The following CNOT2 variants were observed in gnomAD, a reference collection of about 807,000 sequenced individuals.
CNOT2 encodes the protein CC chemokine receptor 4-negative regulator of transcription 2.
A neutral mutation model predicts 72.1 loss-of-function variants in CNOT2; 7 were observed. The ratio of observed to expected loss-of-function variants is 0.10; its 90% CI spans 0.06 to 0.18. The LOEUF (loss-of-function observed/expected upper bound fraction) is 0.18. Among genes scored for constraint, CNOT2 ranks in the 10% least tolerant of loss-of-function variants. The pLI is 1.00. For synonymous variants in CNOT2, 196 were observed against 225.6 expected, an observed-to-expected ratio of 0.87 and a Z score of 1.17; for missense variants, 345 against 660.3, an observed-to-expected ratio of 0.52 and a Z score of 5.23.
intron 4 of CNOT2, among the ~76,000 whole-genome samples, chr12:70,329,021 C>T (rs548826372): frequency 5.6e-4 from 85 of 151,946 alleles, no homozygotes; most frequent in African/African-American, 1.9e-3. Flanking sequence ...TTTCTGTATA[C>T]ATTAGTTGTG....
At chr12:70,271,203 A>G (rs80356292) in intron 1 of CNOT2, among the ~76,000 whole-genome samples, 6,860 of 152,176 alleles carry the variant, frequency 0.045, 659 homozygotes, top group East Asian at 0.44. Context: ...CTATTCTGAT[A>G]TAACAACACC....
intron 1 of CNOT2, among the ~76,000 whole-genome samples, chr12:70,273,786 T>C (rs1170863238): frequency 2.0e-5 from 3 of 152,118 alleles, no homozygotes; most frequent in Admixed American, 6.5e-5. Context: ...GACCTGACTC[T>C]CTACTTATAG....
intron 2 of CNOT2, among the ~76,000 whole-genome samples, chr12:70,284,453 C>T (rs926654464): frequency 2.0e-5 from 3 of 151,784 alleles, no homozygotes; most frequent in African/African-American, 4.8e-5. Flanking sequence ...ACCATGTTGG[C>T]CACGCTAGTC....
At chr12:70,277,506 A>G (rs2135801769) in intron 1 of CNOT2, among the ~76,000 whole-genome samples, 1 of 152,270 alleles carries the variant, frequency 6.6e-6, no homozygotes, top group East Asian at 1.9e-4. Context: ...TATGCATGAA[A>G]TTGGATGACT....
intron 2 of CNOT2, among the ~76,000 whole-genome samples, chr12:70,306,887 T>G (rs1875506091): frequency 6.6e-6 from 1 of 152,230 alleles, no homozygotes; most frequent in African/African-American, 2.4e-5. Flanking sequence ...ATATAACCTC[T>G]TGCTCCTAGG....
intron 2 of CNOT2, among the ~76,000 whole-genome samples, chr12:70,297,167 G>A (rs77337632): frequency 0.16 from 23,972 of 152,060 alleles, 2,154 homozygotes; most frequent in Admixed American, 0.28. Flanking sequence ...GTGCATATTT[G>A]TATATTGTTT....
At chr12:70,329,366 G>T in intron 4 of CNOT2, 57 bp from the exon 5 acceptor site, 1 of 1,445,410 alleles carries the variant, frequency 6.9e-7, no homozygotes, top group African/African-American at 1.4e-5. Flanking sequence ...CCAGAAGATG[G>T]ATAACAATTT....
At position 70,342,116 on chromosome 12, in the gene CNOT2, C is replaced by T. The variant is rs1267623078; in HGVS notation, c.1188C>T (p.Tyr396=). ...TTTCCTCCTTATTCAGAAATCTCTA[C>T]CCCAAATTTGCGTCACCCTGGGCAT... is the stretch of plus-strand genomic sequence containing the variant. ...GLNLNSPENL[Y]PKFASPWASS... is the part of the protein sequence containing the mutation. The change falls in exon 12 of 16, where the codon TAC becomes TAT. Residue 396 remains tyrosine (Y), a synonymous_variant. Coordinates refer to ENST00000229195, the MANE Select transcript of CNOT2 (RefSeq NM_014515.7). 2 of 1,586,604 alleles carry T rather than the reference C, an allele frequency of 1.3e-6. No individual in the cohort carries two copies. Among genetic ancestry groups the T allele is most frequent in the African/African-American group, 1.3e-5 (1 of 74,318 alleles).
At chr12:70,286,912 AC>A (rs1870994991) in intron 2 of CNOT2, among the ~76,000 whole-genome samples, 1 of 151,924 alleles carries the variant, frequency 6.6e-6, no homozygotes. Flanking sequence ...ATTTATGACT[AC>A]TTTTGTTGCT....
At chr12:70,254,980 C>CAA (rs34311334) in intron 1 of CNOT2, among the ~76,000 whole-genome samples, 26 of 110,808 alleles carry the variant, frequency 2.3e-4, no homozygotes, top group East Asian at 7.4e-4. Context: ...GACTGCATCT[C>CAA]AAAAAAAAAA....
chr12:70,244,695 C>T (rs182185599), intron 1 of CNOT2, among the ~76,000 whole-genome samples: 8 of 152,260 alleles, frequency 5.3e-5, no homozygotes, highest in Middle Eastern at 3.4e-3. Flanking sequence ...TCAGAGAATC[C>T]CACTCCTTTT....
chr12:70,305,986 C>G (rs1435906402), intron 2 of CNOT2, among the ~76,000 whole-genome samples: 1 of 142,082 alleles, frequency 7.0e-6, no homozygotes, highest in African/African-American at 2.6e-5. Flanking sequence ...GAATTCATAG[C>G]TAGTCTAAAC....
intron 1 of CNOT2, among the ~76,000 whole-genome samples, chr12:70,261,295 T>G (rs1321947530): frequency 1.4e-5 from 2 of 145,280 alleles, no homozygotes; most frequent in East Asian, 4.2e-4. Flanking sequence ...TGTGCCTATT[T>G]TCTTTCTTTC....
chr12:70,270,286 A>G (rs1032646282), intron 1 of CNOT2, among the ~76,000 whole-genome samples: 2 of 152,170 alleles, frequency 1.3e-5, no homozygotes, highest in Non-Finnish European at 2.9e-5. Flanking sequence ...AGTATAACAC[A>G]TGATAAACTG....
At chr12:70,250,015 T>A (rs772879578) in intron 1 of CNOT2, among the ~76,000 whole-genome samples, 15 of 152,158 alleles carry the variant, frequency 9.9e-5, no homozygotes, top group African/African-American at 1.7e-4. Context: ...TATATTTATG[T>A]CAGGCCAAAC....
At chr12:70,312,020 C>CT (rs1195125213) in intron 3 of CNOT2, among the ~76,000 whole-genome samples, 1 of 151,772 alleles carries the variant, frequency 6.6e-6, no homozygotes, top group African/African-American at 2.4e-5. Flanking sequence ...TTGTATTTTC[C>CT]TTTTTTATTT....
intron 11 of CNOT2, among the ~76,000 whole-genome samples, chr12:70,339,338 T>C (rs982615320): frequency 4.6e-5 from 7 of 152,036 alleles, no homozygotes; most frequent in African/African-American, 1.7e-4. Context: ...TTTCACTCCA[T>C]TGGGACCTTC....
At chr12:70,335,329 T>G in intron 7 of CNOT2, 109 bp from the exon 8 acceptor site, 1 of 775,060 alleles carries the variant, frequency 1.3e-6, no homozygotes, top group East Asian at 2.6e-5. Context: ...GTGCCGTGCA[T>G]TATTTAGGAA....
At chr12:70,303,750 G>C (rs985271843) in intron 2 of CNOT2, among the ~76,000 whole-genome samples, 5 of 152,106 alleles carry the variant, frequency 3.3e-5, no homozygotes, top group African/African-American at 1.2e-4. Context: ...TTTCCTGAAT[G>C]TGAATGTTGG....
Sources: allele counts gnomAD v4.1 joint callset (sites outside exome capture counted in the v4.1 genomes callset), GRCh38; gene constraint gnomAD v4.1.1; transcripts MANE v1.5; gene names NCBI Gene and HGNC (gene_info 2026-07-23, HGNC 2026-07-21).